The following ABCA4 variants were observed in gnomAD, a reference collection of about 807,000 sequenced individuals.
ABCA4 encodes retinal-specific phospholipid-transporting ATPase ABCA4.
Under a neutral mutation model 263.7 loss-of-function variants are expected in ABCA4, and 196 were observed. The observed-to-expected ratio is 0.74, with a 90% CI of 0.66 to 0.84. ABCA4 has a LOEUF of 0.84. Among genes scored for constraint, ABCA4 ranks in the 40% least tolerant of loss-of-function variants. The pLI, the probability that ABCA4 is intolerant of heterozygous loss-of-function variation, is 0.00. For missense variants in ABCA4, 2,792 were observed against 2,855.1 expected, an observed-to-expected ratio of 0.98 and a Z score of 0.50; for synonymous variants, 1,133 against 1,094.2, an observed-to-expected ratio of 1.04 and a Z score of -0.70.
rs1319575909 is a variant in ABCA4, at chr1:94,099,802, A to T, written c.571-811T>A. 2.0e-5 allele frequency among the ~76,000 whole-genome samples: 3 copies of T among 152,206 alleles called. No homozygotes were observed. In the East Asian group the frequency reaches 5.8e-4, roughly 29 times the overall value. On this transcript the variant is annotated intron_variant, in intron 5 of 49. Transcript: ENST00000370225. ...GAATTTAACTAGACACCCTGCATCTATCTTGTCTGCAGGCCCTAAGCCCTG... is the reference window on the plus strand; with the variant it reads ...GAATTTAACTAGACACCCTGCATCTTTCTTGTCTGCAGGCCCTAAGCCCTG...
chr1:94,116,184 C>G (rs1237596077), intron 1 of ABCA4, among the ~76,000 whole-genome samples: 1 of 152,182 alleles, frequency 6.6e-6, no homozygotes, highest in Non-Finnish European at 1.5e-5. Context: ...CACCTCCTTT[C>G]TCCCTTCCTT....
At chr1:94,000,180 A>C (rs1659134961) in intron 47 of ABCA4, among the ~76,000 whole-genome samples, 1 of 152,234 alleles carries the variant, frequency 6.6e-6, no homozygotes. Flanking sequence ...TAAATAAATG[A>C]GTAATTGTAA....
intron 35 of ABCA4, 84 bp downstream of exon 35, chr1:94,021,156 C>T (rs763246805): frequency 4.6e-5 from 73 of 1,585,964 alleles, no homozygotes; most frequent in Admixed American, 8.3e-5. Context: ...ATCAGCACTT[C>T]GCGGTGGTGA....
rs959789497 is a variant in ABCA4 at position 94,021,560 on chromosome 1, T to C, written c.4848+80A>G. On this transcript the variant is annotated intron_variant, in intron 34 of 49. Coordinates refer to ENST00000370225, the MANE Select transcript of ABCA4 (RefSeq NM_000350.3). ...CAGCAGGAGGAGGGATGGAATTTAA[T>C]GAAGGTAGGAAAGTAAAAATAAAAT... 6.0e-6 allele frequency: 9 copies of C among 1,508,876 alleles called. No individual in the cohort carries two copies. The African/African-American group carries it at 1.2e-4, about 21-fold the overall frequency. The allele number at this position is 1,508,876 out of a possible 1,614,324, so 93.5% of individuals were successfully genotyped here.
chr1:94,019,364 G>A (rs556299777), intron 36 of ABCA4: 5 of 570,362 alleles, frequency 8.8e-6, no homozygotes, highest in Middle Eastern at 4.8e-4. Flanking sequence ...CAGTTGTTAA[G>A]CTGCACCCCA....
chr1:94,094,453 AAC>A (rs1478663210), intron 6 of ABCA4, among the ~76,000 whole-genome samples: 1 of 152,186 alleles, frequency 6.6e-6, no homozygotes, highest in African/African-American at 2.4e-5. Context: ...TAAAAATGAC[AAC>A]AGAGCAGTGG....
chr1:94,098,154 A>G (rs1469184756), intron 6 of ABCA4, among the ~76,000 whole-genome samples: 1 of 152,138 alleles, frequency 6.6e-6, no homozygotes, highest in Non-Finnish European at 1.5e-5. Context: ...AAAGGAGGAG[A>G]TATTTTCAGG....
rs557442259 is a variant in ABCA4 at position 94,120,780 on chromosome 1, C to T, written c.66+200G>A. On this transcript the variant is annotated intron_variant, in intron 1 of 49. Transcript: ENST00000370225. The stretch of plus-strand genomic sequence containing the variant: ...GGCTGAGGACAGAGAAACACATCTT[C>T]CTGGGAAGGGCACTGTCAGAGGGGC... 1.1e-4 allele frequency among the ~76,000 whole-genome samples: 17 copies of T among 152,146 alleles called. No homozygotes were observed. In the South Asian group the frequency reaches 2.7e-3, roughly 24 times the overall value.
At chr1:94,029,695 A>ATGCCT in intron 29 of ABCA4, 64 bp from the exon 30 acceptor site, 2 of 1,495,866 alleles carry the variant, frequency 1.3e-6, no homozygotes, top group Non-Finnish European at 1.8e-6. Flanking sequence ...CCCTAGGCAT[A>ATGCCT]AGAAATTGTG....
At chr1:94,030,286 G>A (rs1009683547) in intron 29 of ABCA4, 142 bp downstream of exon 29, 1 of 741,016 alleles carries the variant, frequency 1.3e-6, no homozygotes, top group Admixed American at 2.0e-5. Flanking sequence ...AGGAGAGGTT[G>A]GGGGAGTGCT....
intron 30 of ABCA4, among the ~76,000 whole-genome samples, chr1:94,028,075 T>C (rs1185324211): frequency 6.6e-6 from 1 of 152,246 alleles, no homozygotes; most frequent in African/African-American, 2.4e-5. Context: ...TAAATCCTCA[T>C]AATAATATTA....
chr1:94,005,955 A>G (rs1659366513), intron 43 of ABCA4, among the ~76,000 whole-genome samples: 1 of 152,208 alleles, frequency 6.6e-6, no homozygotes, highest in South Asian at 2.1e-4. Context: ...GAAAAGATGC[A>G]TGTGTCCCGA....
rs61751377 is a variant in ABCA4 at position 94,019,581 on chromosome 1, C to T, written c.5196+1G>A. On this transcript the variant is annotated splice_donor_variant, in intron 36 of 49. Coordinates refer to ENST00000370225, the MANE Select transcript of ABCA4 (RefSeq NM_000350.3). LOFTEE classifies it high-confidence loss of function. ...GGGAGGCGCTGTAAACTGACACTTA[C>T]GATGTCCCAGAGGAAGTTGGTCACC... 29 of 1,601,552 alleles carry T rather than the reference C, an allele frequency of 1.8e-5. No individual in the cohort carries two copies. Among genetic ancestry groups the T allele is most frequent in the Middle Eastern group, 1.7e-4 (1 of 6,054 alleles).
At chr1:94,053,564 C>A (rs776704367) in intron 16 of ABCA4, among the ~76,000 whole-genome samples, 1 of 152,218 alleles carries the variant, frequency 6.6e-6, no homozygotes, top group Non-Finnish European at 1.5e-5. Flanking sequence ...GGCACCTAAT[C>A]CAATCCAGTT....
At chr1:94,037,119 G>T (rs778840048) in intron 25 of ABCA4, 26 bp downstream of exon 25, 1 of 1,611,610 alleles carries the variant, frequency 6.2e-7, no homozygotes, top group Admixed American at 1.7e-5. Context: ...GCACTTGACA[G>T]AAACCAGCTG....
In ABCA4 at chr1:94,108,572, C is replaced by G. The variant is rs1345682331; in HGVS notation, c.442+5G>C. On this transcript the variant is annotated splice_donor_5th_base_variant and intron_variant, in intron 4 of 49. Coordinates refer to ENST00000370225, the MANE Select transcript of ABCA4 (RefSeq NM_000350.3). ...GATGCTTGAGAGCACTGCAGTCATGCTTACCTGCAATTCTCTCCGGGTGAG... is the reference window on the plus strand; with the variant it reads ...GATGCTTGAGAGCACTGCAGTCATGGTTACCTGCAATTCTCTCCGGGTGAG... 1 of 1,613,388 alleles carries G rather than the reference C, an allele frequency of 6.2e-7. No individual in the cohort carries two copies. Among genetic ancestry groups the G allele is most frequent in the Non-Finnish European group, 8.5e-7 (1 of 1,179,896 alleles).
At position 94,001,986 on chromosome 1, in the gene ABCA4, T is replaced by C. The variant is rs1256218315; in HGVS notation, c.6154A>G (p.Asn2052Asp). 5 of 1,613,982 alleles carry C rather than the reference T, an allele frequency of 3.1e-6. No individual in the cohort carries two copies. The Admixed American group carries it at 5.0e-5, about 16-fold the overall frequency. ...VPAEEIEKVANWSIKSLGLTV... is the reference protein window; with the variant it reads ...VPAEEIEKVADWSIKSLGLTV... ...AGGCCCAGGCTCTTAATACTCCAGT[T>C]TGCAACCTAGGGAAGAGAAAGAAAT... Residue 2052 changes from asparagine to aspartate, a missense_variant, in exon 45 of 50, where the codon AAC (asparagine) becomes GAC (aspartate). By Grantham distance (23) the Asn-to-Asp change is conservative (BLOSUM62 1). Transcript: ENST00000370225.
In ABCA4 at chr1:94,098,943, C is replaced by T. The variant is rs147807073; in HGVS notation, c.619G>A (p.Glu207Lys). Residue 207 changes from glutamate to lysine, a missense_variant, in exon 6 of 50, where the codon GAG (glutamate) becomes AAG (lysine). Physicochemically the swap from Glu to Lys is moderately conservative, Grantham distance 56. Coordinates refer to ENST00000370225, the MANE Select transcript of ABCA4 (RefSeq NM_000350.3). ...ATGATGAAGCGCTCCAGGAGGGCCT[C>T]GCTGCAGGCGATGTCCTTCAGCGCC... is the stretch of plus-strand genomic sequence containing the variant. ...DLALKDIACS[E>K]ALLERFIIFS... is the part of the protein sequence containing the mutation. 8.7e-6 allele frequency: 14 copies of T among 1,612,572 alleles called. No individual in the cohort carries two copies. Among genetic ancestry groups the T allele is most frequent in the Admixed American group, 6.7e-5 (4 of 59,998 alleles).
chr1:94,113,952 T>C (rs895110620), intron 1 of ABCA4, among the ~76,000 whole-genome samples: 2 of 152,204 alleles, frequency 1.3e-5, no homozygotes, highest in African/African-American at 2.4e-5. Flanking sequence ...TGTGGAATTA[T>C]GGAGAGGAAG....
Sources: allele counts gnomAD v4.1 joint callset (sites outside exome capture counted in the v4.1 genomes callset), GRCh38; gene constraint gnomAD v4.1.1; transcripts MANE v1.5; gene names NCBI Gene and HGNC (gene_info 2026-07-23, HGNC 2026-07-21).